The following FHIT variants were observed in gnomAD, a reference collection of about 807,000 sequenced individuals.
FHIT encodes bis(5'-adenosyl)-triphosphatase.
Under a neutral mutation model 17.9 loss-of-function variants are expected in FHIT, and 19 were observed. The ratio of observed to expected loss-of-function variants is 1.06; its 90% CI spans 0.74 to 1.56. FHIT has a LOEUF of 1.56. Ranked by LOEUF, FHIT falls within the 40% of genes most tolerant of loss-of-function variation. The pLI is 0.00. For synonymous variants in FHIT, 81 were observed against 69.7 expected (o/e 1.16, Z -0.81); for missense variants, 248 against 189.2 (o/e 1.31, Z -1.82).
At chr3:60,623,229 C>T (rs1206810771) in intron 4 of FHIT, among the ~76,000 whole-genome samples, 6 of 152,134 alleles carry the variant, frequency 3.9e-5, no homozygotes, top group African/African-American at 1.4e-4. Flanking sequence ...GTGTAACCTC[C>T]CCTGTCCAAT....
At chr3:60,468,484 T>C (rs1559939332) in intron 5 of FHIT, among the ~76,000 whole-genome samples, 2 of 152,094 alleles carry the variant, frequency 1.3e-5, no homozygotes, top group Non-Finnish European at 2.9e-5. Context: ...TTGCTTTGAG[T>C]GTACTGTGAG....
At chr3:60,969,515 G>T (rs1392978415) in intron 3 of FHIT, among the ~76,000 whole-genome samples, 1 of 151,878 alleles carries the variant, frequency 6.6e-6, no homozygotes, top group Non-Finnish European at 1.5e-5. Flanking sequence ...TGCTTTAGCT[G>T]CAACATCAAA....
intron 5 of FHIT, among the ~76,000 whole-genome samples, chr3:60,165,585 G>C (rs1380560034): frequency 6.6e-6 from 1 of 152,132 alleles, no homozygotes; most frequent in Non-Finnish European, 1.5e-5. Context: ...ATGGTAGCCT[G>C]TCAGGGATAC....
intron 5 of FHIT, among the ~76,000 whole-genome samples, chr3:60,130,760 G>GTT (rs879838061): frequency 0.21 from 1,717 of 8,246 alleles, 60 homozygotes; most frequent in Admixed American, 0.24. Context: ...GTGTGTGTGT[G>GTT]TGTGTTTGTG....
At chr3:59,871,002 T>C (rs1702897017) in intron 8 of FHIT, among the ~76,000 whole-genome samples, 1 of 152,108 alleles carries the variant, frequency 6.6e-6, no homozygotes, top group African/African-American at 2.4e-5. Flanking sequence ...TTGGAACTGG[T>C]CTTCTCCTTG....
intron 5 of FHIT, among the ~76,000 whole-genome samples, chr3:60,170,621 G>T (rs1349503829): frequency 1.3e-5 from 2 of 151,932 alleles, no homozygotes; most frequent in Non-Finnish European, 2.9e-5. Flanking sequence ...GTTAACTCAT[G>T]AATTATCTTC....
intron 4 of FHIT, among the ~76,000 whole-genome samples, chr3:60,629,672 T>C (rs1247127624): frequency 6.6e-6 from 1 of 152,226 alleles, no homozygotes; most frequent in East Asian, 1.9e-4. Context: ...CCCTTAAAGC[T>C]GAGTAGCCGT....
intron 1 of FHIT, among the ~76,000 whole-genome samples, chr3:61,205,066 G>A (rs1337959280): frequency 1.3e-5 from 2 of 148,540 alleles, no homozygotes; most frequent in Admixed American, 1.4e-4. Context: ...GTGAGAACAT[G>A]CGCTGTTTGG....
chr3:60,014,119 C>T lies in FHIT; in HGVS notation c.137G>A (p.Arg46His), dbSNP rs575922146. ...TTCATCAGGACGCAGGTCATGGAAGCGCTCCACTGGCCGCAGCGGGCACAC... is the reference window on the plus strand; with the variant it reads ...TTCATCAGGACGCAGGTCATGGAAGTGCTCCACTGGCCGCAGCGGGCACAC... The part of the protein sequence containing the change: ...VLVCPLRPVE[R>H]FHDLRPDEVA... The change falls in exon 6 of 10, where the codon CGC becomes CAC. Residue 46 changes from arginine to histidine, a missense_variant. Arg to His is a conservative substitution (Grantham distance 29). Transcript: ENST00000492590. 39 of 1,614,034 alleles carry T rather than the reference C, an allele frequency of 2.4e-5. No homozygotes were observed. The highest frequency in any genetic ancestry group is 5.5e-5 in the South Asian group (5 of 91,084).
chr3:59,834,874 A>G (rs897945554), intron 8 of FHIT, among the ~76,000 whole-genome samples: 29 of 152,338 alleles, frequency 1.9e-4, no homozygotes, highest in Non-Finnish European at 4.1e-4. Context: ...TTTCCTGCCT[A>G]TATAAAATTT....
chr3:60,759,567 A>T (rs1225895379), intron 4 of FHIT, among the ~76,000 whole-genome samples: 2 of 152,200 alleles, frequency 1.3e-5, no homozygotes, highest in African/African-American at 4.8e-5. Flanking sequence ...GATCAGAAAG[A>T]GGATGATGAC....
chr3:60,329,553 C>A lies in FHIT; in HGVS notation c.103+207307G>T, dbSNP rs961562578. Among the ~76,000 whole-genome samples the A allele has an allele frequency of 1.1e-4, 17 of 152,328 alleles. 1 individual carries two copies. Among genetic ancestry groups the A allele is most frequent in the Middle Eastern group, 6.8e-3 (2 of 294 alleles). On this transcript the variant is annotated intron_variant, in intron 5 of 9. Transcript: ENST00000492590. ...CAAGCAGACCCCTCTTTCTTTTTAA[C>A]TGTGGAACAATCTATAGCATGGGAA...
intron 3 of FHIT, among the ~76,000 whole-genome samples, chr3:61,009,249 C>T (rs2031651789): frequency 6.6e-6 from 1 of 152,194 alleles, no homozygotes; most frequent in African/African-American, 2.4e-5. Context: ...GGGGTGCAGG[C>T]ATGAGCTTCA....
chr3:60,603,141 A>G (rs1197903690), intron 4 of FHIT, among the ~76,000 whole-genome samples: 2 of 152,180 alleles, frequency 1.3e-5, no homozygotes, highest in Non-Finnish European at 2.9e-5. Flanking sequence ...AATCTCTCCT[A>G]GTGAATAACA....
intron 4 of FHIT, among the ~76,000 whole-genome samples, chr3:60,701,424 C>T (rs1327747078): frequency 6.6e-6 from 1 of 152,024 alleles, no homozygotes; most frequent in Non-Finnish European, 1.5e-5. Context: ...AATCAGTCTC[C>T]CCCCCAAACT....
intron 5 of FHIT, among the ~76,000 whole-genome samples, chr3:60,166,590 T>A (rs947205541): frequency 4.6e-5 from 7 of 152,176 alleles, no homozygotes; most frequent in Non-Finnish European, 1.0e-4. Context: ...GGCTTAAGGC[T>A]ACACAAAGAT....
intron 8 of FHIT, among the ~76,000 whole-genome samples, chr3:59,789,747 G>T (rs148984697): frequency 1.4e-3 from 219 of 152,140 alleles, no homozygotes; most frequent in Admixed American, 4.0e-3. Flanking sequence ...TAGTTTTCAG[G>T]GCCCCTAACT....
intron 3 of FHIT, among the ~76,000 whole-genome samples, chr3:60,845,477 CAG>C (rs1702894168): frequency 6.6e-6 from 1 of 152,140 alleles, no homozygotes. Context: ...AAAAAGATAA[CAG>C]GGAATTTTAA....
intron 5 of FHIT, among the ~76,000 whole-genome samples, chr3:60,311,130 A>G (rs183849668): frequency 2.0e-5 from 3 of 152,262 alleles, no homozygotes; most frequent in Non-Finnish European, 2.9e-5. Flanking sequence ...TATAAAATCC[A>G]GTATAGGATC....
Sources: gnomAD v4.1 joint callset for allele counts (sites outside exome capture counted in the v4.1 genomes callset) on GRCh38, gnomAD v4.1.1 for gene constraint, MANE v1.5 for transcripts, NCBI Gene and HGNC (gene_info 2026-07-23, HGNC 2026-07-21) for gene names.